Variants in SLC25A33 observed in about 807,000 individuals in gnomAD.
SLC25A33 encodes solute carrier family 25 member 33.
SLC25A33 carries 15 observed loss-of-function variants against 35.5 expected under a neutral mutation model. The ratio of observed to expected loss-of-function variants is 0.42; its 90% CI spans 0.28 to 0.65. SLC25A33 has a LOEUF of 0.65. SLC25A33 is among the 30% of genes least tolerant of loss of function. SLC25A33 has a pLI of 0.20. For missense variants in SLC25A33, 257 were observed against 398.5 expected, an observed-to-expected ratio of 0.64 and a Z score of 3.02; for synonymous variants, 136 against 148.7, an observed-to-expected ratio of 0.91 and a Z score of 0.62.
chr1:9,564,790 G>C (rs1168876111), intron 2 of SLC25A33, among the ~76,000 whole-genome samples: 1 of 142,182 alleles, frequency 7.0e-6, no homozygotes, highest in African/African-American at 2.6e-5. Flanking sequence ...TGAGCGTGGT[G>C]GCACTCACCT....
chr1:9,579,242 G>A (rs944464456), intron 5 of SLC25A33, among the ~76,000 whole-genome samples: 9 of 152,190 alleles, frequency 5.9e-5, no homozygotes, highest in African/African-American at 2.2e-4. Context: ...CCAGCTGGGT[G>A]TCCTCTCATT....
chr1:9,547,566 A>G (rs1391688592), intron 1 of SLC25A33, among the ~76,000 whole-genome samples: 1 of 152,096 alleles, frequency 6.6e-6, no homozygotes, highest in Non-Finnish European at 1.5e-5. Context: ...AATAGTGCCC[A>G]TTTTATTGGT....
chr1:9,562,835 A>T (rs1643443319), intron 2 of SLC25A33, among the ~76,000 whole-genome samples: 1 of 151,124 alleles, frequency 6.6e-6, no homozygotes, highest in Non-Finnish European at 1.5e-5. Flanking sequence ...CCTGGGCAAC[A>T]AGAGCAAAAA....
Position 9,553,754 on chromosome 1 carries a change from C to G in SLC25A33, c.185C>G (p.Ala62Gly), listed in dbSNP as rs759980975. 11 of 1,614,034 alleles carry G rather than the reference C, an allele frequency of 6.8e-6. No homozygotes were observed. Among genetic ancestry groups the G allele is most frequent in the Non-Finnish European group, 9.3e-6 (11 of 1,180,042 alleles). Residue 62 changes from alanine to glycine, a missense_variant, in exon 2 of 7, where the codon GCT (alanine) becomes GGT (glycine). Coordinates refer to ENST00000302692, the MANE Select transcript of SLC25A33 (RefSeq NM_032315.3). ...GTTCATCTGGGGACCATTAGTGGAG[C>G]TGGAATGGTGAGACCAACATCCGTG... ...PQVHLGTISG[A>G]GMVRPTSVTP...
intron 2 of SLC25A33, among the ~76,000 whole-genome samples, chr1:9,559,618 CTT>C (rs1557529328): frequency 6.6e-6 from 1 of 151,750 alleles, no homozygotes; most frequent in Non-Finnish European, 1.5e-5. Context: ...AAATTTGTAT[CTT>C]TTCCTGTTAA....
chr1:9,549,913 A>G (rs1261122063), intron 1 of SLC25A33, among the ~76,000 whole-genome samples: 4 of 142,606 alleles, frequency 2.8e-5, no homozygotes, highest in Non-Finnish European at 6.1e-5. Context: ...GTGAGCCGCC[A>G]CGCCCAACAT....
At chr1:9,576,671 G>A (rs10864431) in intron 5 of SLC25A33, 7,335 of 635,768 alleles carry the variant, frequency 0.012, 226 homozygotes, top group South Asian at 0.055. Flanking sequence ...GTTACACTGG[G>A]CTTCTGTTAC....
At chr1:9,547,711 C>T (rs1451708120) in intron 1 of SLC25A33, among the ~76,000 whole-genome samples, 1 of 151,946 alleles carries the variant, frequency 6.6e-6, no homozygotes, top group African/African-American at 2.4e-5. Context: ...TCCCCCATTT[C>T]AAAACCCAAA....
intron 2 of SLC25A33, among the ~76,000 whole-genome samples, chr1:9,554,820 A>G (rs1367378032): frequency 6.6e-6 from 1 of 152,204 alleles, no homozygotes; most frequent in Non-Finnish European, 1.5e-5. Context: ...AAATATTCTT[A>G]AGTCAAATTT....
intron 1 of SLC25A33, among the ~76,000 whole-genome samples, chr1:9,551,280 T>C (rs1643263330): frequency 6.6e-6 from 1 of 152,040 alleles, no homozygotes; most frequent in Non-Finnish European, 1.5e-5. Flanking sequence ...GGCTGAGGCA[T>C]GACAATTGCT....
At chr1:9,581,451 C>A (rs758358768) in intron 6 of SLC25A33, among the ~76,000 whole-genome samples, 7 of 151,782 alleles carry the variant, frequency 4.6e-5, no homozygotes, top group Non-Finnish European at 7.4e-5. Flanking sequence ...TTTTTTTAAC[C>A]CCTTAAAAGT....
chr1:9,553,953 T>A, intron 2 of SLC25A33, 148 bp downstream of exon 2: 1 of 948,802 alleles, frequency 1.1e-6, no homozygotes, highest in Non-Finnish European at 1.5e-6. Context: ...CCAATACCTT[T>A]GAGCTCTGAC....
At chr1:9,569,245 C>CA (rs1274888663) in intron 3 of SLC25A33, among the ~76,000 whole-genome samples, 3,625 of 102,678 alleles carry the variant, frequency 0.035, 133 homozygotes, top group African/African-American at 0.11. Flanking sequence ...AACTCCATCT[C>CA]AAAAAAAAAA....
rs60174872 is a variant in SLC25A33 at position 9,564,739 on chromosome 1, A to AAAAAT, written c.237-2544_237-2543insAAATA. ...TCGTCTCTATTTAAAAAAAAAAAAAAATATATATATATATATATATATATA... is the reference window on the plus strand; with the variant it reads ...TCGTCTCTATTTAAAAAAAAAAAAAAAAAATATATATATATATATATATATATATA... On this transcript the variant is annotated intron_variant, in intron 2 of 6. Transcript: ENST00000302692. Among the ~76,000 whole-genome samples, 339 of 96,504 alleles carry AAAAAT rather than the reference A, an allele frequency of 3.5e-3. 3 individuals carry two copies. Among genetic ancestry groups the AAAAAT allele is most frequent in the African/African-American group, 0.014 (327 of 22,612 alleles). 63.3% of individuals were successfully genotyped at this position (96,504 alleles called of 152,430 possible).
chr1:9,580,781 G>C (rs550693836), intron 6 of SLC25A33, among the ~76,000 whole-genome samples: 2 of 151,294 alleles, frequency 1.3e-5, no homozygotes, highest in African/African-American at 4.9e-5. Context: ...GCTTGAACCC[G>C]GGAGGTGGAG....
chr1:9,550,012 T>TATATATATATATATATATACATATA (rs55887722), intron 1 of SLC25A33, among the ~76,000 whole-genome samples: 2 of 33,834 alleles, frequency 5.9e-5, no homozygotes, highest in African/African-American at 1.7e-4. Flanking sequence ...TATATATATA[T>TATATATATATATATATATACATATA]TTTTTTTTTT....
chr1:9,574,939 T>C (rs759755662), intron 5 of SLC25A33, among the ~76,000 whole-genome samples: 1 of 151,830 alleles, frequency 6.6e-6, no homozygotes. Flanking sequence ...GTAGGCCGGG[T>C]GCGGTGGCTC....
chr1:9,550,456 A>AC (rs1252243767), intron 1 of SLC25A33, among the ~76,000 whole-genome samples: 1 of 152,026 alleles, frequency 6.6e-6, no homozygotes, highest in Non-Finnish European at 1.5e-5. Context: ...GAAAGGATTT[A>AC]CCCAGAAGCT....
intron 1 of SLC25A33, among the ~76,000 whole-genome samples, chr1:9,550,821 A>G (rs902187958): frequency 9.9e-5 from 15 of 151,710 alleles, no homozygotes; most frequent in Admixed American, 1.3e-4. Context: ...ACAGGCGCAC[A>G]TCACCACACC....
Sources: allele counts gnomAD v4.1 joint callset (sites outside exome capture counted in the v4.1 genomes callset), GRCh38; gene constraint gnomAD v4.1.1; transcripts MANE v1.5; gene names NCBI Gene and HGNC (gene_info 2026-07-23, HGNC 2026-07-21).